The following KIF13B variants were observed in gnomAD, a reference collection of about 807,000 sequenced individuals.
KIF13B encodes the protein kinesin-like protein KIF13B.
A neutral mutation model predicts 222.0 loss-of-function variants in KIF13B; 127 were observed. The observed-to-expected ratio is 0.57, with a 90% CI of 0.50 to 0.66. KIF13B has a LOEUF of 0.66. KIF13B is among the 30% of genes least tolerant of loss of function. The probability of loss-of-function intolerance (pLI) is 0.00; values close to 1 mark genes in which losing one functional copy is unlikely to be tolerated. For missense variants in KIF13B, 2,173 were observed against 2,379.0 expected (o/e 0.91, Z 1.80); for synonymous variants, 976 against 919.0 (o/e 1.06, Z -1.12).
intron 24 of KIF13B, among the ~76,000 whole-genome samples, chr8:29,128,338 C>A (rs1400943745): frequency 6.6e-6 from 1 of 152,068 alleles, no homozygotes; most frequent in Non-Finnish European, 1.5e-5. Flanking sequence ...TTTAAATGTT[C>A]AATTGCAAGT....
intron 1 of KIF13B, among the ~76,000 whole-genome samples, chr8:29,249,291 G>A (rs1281900568): frequency 4.6e-5 from 7 of 152,028 alleles, no homozygotes; most frequent in South Asian, 2.1e-4. Flanking sequence ...TTAGCTAGGC[G>A]TGGTGGCATG....
chr8:29,251,678 T>C (rs1816289602), intron 1 of KIF13B, among the ~76,000 whole-genome samples: 1 of 152,198 alleles, frequency 6.6e-6, no homozygotes, highest in Admixed American at 6.5e-5. Flanking sequence ...AAAAACATTC[T>C]GCGAATAGAT....
intron 3 of KIF13B, among the ~76,000 whole-genome samples, chr8:29,191,417 AT>A (rs1440144708): frequency 6.6e-6 from 1 of 152,218 alleles, no homozygotes; most frequent in Non-Finnish European, 1.5e-5. Context: ...AGAAAAAGAT[AT>A]TTTTTAAATA....
chr8:29,184,024 A>ACCATTC (rs1204553472), intron 6 of KIF13B, among the ~76,000 whole-genome samples: 1 of 152,180 alleles, frequency 6.6e-6, no homozygotes, highest in Non-Finnish European at 1.5e-5. Context: ...CCTAGGATCA[A>ACCATTC]CCATTAAAAA....
intron 28 of KIF13B, 86 bp from the exon 29 acceptor site, chr8:29,122,732 G>T: frequency 9.5e-7 from 1 of 1,047,792 alleles, no homozygotes. Flanking sequence ...TGGCATTCAG[G>T]GCTGTTACAG....
At chr8:29,245,083 CTT>C (rs1815962610) in intron 2 of KIF13B, among the ~76,000 whole-genome samples, 2 of 152,192 alleles carry the variant, frequency 1.3e-5, no homozygotes, top group African/African-American at 4.8e-5. Flanking sequence ...TTCAAGAAGC[CTT>C]CTTCAATTGC....
chr8:29,142,088 G>A, intron 19 of KIF13B, 69 bp downstream of exon 19: 2 of 1,310,596 alleles, frequency 1.5e-6, no homozygotes, highest in Non-Finnish European at 2.2e-6. Context: ...CCCCTGAAAT[G>A]GGTAGACTCA....
intron 37 of KIF13B, among the ~76,000 whole-genome samples, chr8:29,079,091 T>A (rs746679301): frequency 5.9e-5 from 9 of 152,172 alleles, no homozygotes; most frequent in Non-Finnish European, 1.2e-4. Context: ...ACATGACATA[T>A]ACAATCTCCA....
chr8:29,249,108 GTT>G (rs1001226852), intron 1 of KIF13B, among the ~76,000 whole-genome samples: 2 of 152,078 alleles, frequency 1.3e-5, no homozygotes, highest in Non-Finnish European at 2.9e-5. Context: ...GTATGAAACT[GTT>G]TGTTTCCCTT....
intron 37 of KIF13B, among the ~76,000 whole-genome samples, chr8:29,077,124 C>T (rs1292535088): frequency 6.6e-6 from 1 of 152,156 alleles, no homozygotes; most frequent in East Asian, 1.9e-4. Context: ...TGTGAGCAGC[C>T]AATGGGACAG....
At chr8:29,150,174 A>G in intron 15 of KIF13B, 123 bp downstream of exon 15, 1 of 609,420 alleles carries the variant, frequency 1.6e-6, no homozygotes, top group Non-Finnish European at 2.9e-6. Context: ...ACATGCAGCA[A>G]ATATATACGT....
At chr8:29,257,339 G>GT (rs990836798) in intron 1 of KIF13B, among the ~76,000 whole-genome samples, 2,164 of 147,366 alleles carry the variant, frequency 0.015, 48 homozygotes, top group African/African-American at 0.049. Flanking sequence ...TCGAGTTTTT[G>GT]TTTTTTTTTT....
intron 38 of KIF13B, among the ~76,000 whole-genome samples, chr8:29,073,341 G>A (rs1807403877): frequency 6.6e-6 from 1 of 152,152 alleles, no homozygotes; most frequent in Admixed American, 6.5e-5. Context: ...CTCTCCTCAT[G>A]TCGGTCACTC....
At chr8:29,209,713 C>T (rs961849973) in intron 2 of KIF13B, among the ~76,000 whole-genome samples, 22 of 151,982 alleles carry the variant, frequency 1.4e-4, no homozygotes, top group African/African-American at 4.8e-4. Flanking sequence ...ATCAAGTACA[C>T]TCTGAACTAG....
intron 1 of KIF13B, among the ~76,000 whole-genome samples, chr8:29,258,852 T>C (rs1816581271): frequency 6.6e-6 from 1 of 152,186 alleles, no homozygotes; most frequent in Non-Finnish European, 1.5e-5. Flanking sequence ...ATCTAATCTT[T>C]TCACAGGCAT....
chr8:29,231,937 T>C (rs1187077487), intron 2 of KIF13B, among the ~76,000 whole-genome samples: 1 of 152,148 alleles, frequency 6.6e-6, no homozygotes, highest in African/African-American at 2.4e-5. Context: ...AGTCTGTCCC[T>C]GGATCATGAA....
intron 10 of KIF13B, among the ~76,000 whole-genome samples, chr8:29,173,214 C>T (rs946213239): frequency 1.3e-5 from 2 of 152,018 alleles, no homozygotes; most frequent in Non-Finnish European, 2.9e-5. Flanking sequence ...CATGCCCGGC[C>T]AACAAAAGAT....
intron 2 of KIF13B, among the ~76,000 whole-genome samples, chr8:29,211,641 G>C (rs2130476611): frequency 6.6e-6 from 1 of 152,306 alleles, no homozygotes; most frequent in South Asian, 2.1e-4. Flanking sequence ...CAAGCAGCCA[G>C]AAAAATCACC....
intron 22 of KIF13B, among the ~76,000 whole-genome samples, chr8:29,132,953 G>C (rs1177374481): frequency 6.6e-6 from 1 of 152,188 alleles, no homozygotes; most frequent in Non-Finnish European, 1.5e-5. Flanking sequence ...CTGCCAGCCT[G>C]TCCATCTTTA....
Sources: gnomAD v4.1 joint callset for allele counts (sites outside exome capture counted in the v4.1 genomes callset) on GRCh38, gnomAD v4.1.1 for gene constraint, MANE v1.5 for transcripts, NCBI Gene and HGNC (gene_info 2026-07-23, HGNC 2026-07-21) for gene names.